MAP4K5: variants seen among roughly 807,000 people sequenced by gnomAD.
MAP4K5 encodes the protein MAPK/ERK kinase kinase kinase 5.
A neutral mutation model predicts 135.6 loss-of-function variants in MAP4K5; 82 were observed. The observed-to-expected ratio is 0.60, with a 90% CI of 0.51 to 0.73. The LOEUF (loss-of-function observed/expected upper bound fraction) is 0.73, where lower values mean the gene tolerates loss of function less well. MAP4K5 is among the 30% of genes least tolerant of loss of function. MAP4K5 has a pLI of 0.00. For synonymous variants in MAP4K5, 347 were observed against 335.0 expected (o/e 1.04, Z -0.39); for missense variants, 907 against 1,010.9 (o/e 0.90, Z 1.39).
At chr14:50,467,495 TC>T (rs1192053234) in intron 10 of MAP4K5, among the ~76,000 whole-genome samples, 5 of 152,086 alleles carry the variant, frequency 3.3e-5, no homozygotes, top group African/African-American at 1.2e-4. Flanking sequence ...ATAATTTTTT[TC>T]ACTAATAATC....
At chr14:50,532,300 C>A in intron 1 of MAP4K5, 142 bp from the exon 2 acceptor site, 1 of 430,662 alleles carries the variant, frequency 2.3e-6, no homozygotes, top group African/African-American at 2.1e-5. Context: ...CCCGGCGCCC[C>A]GTATCCCCGT....
intron 21 of MAP4K5, among the ~76,000 whole-genome samples, chr14:50,441,771 CACACACACACACACACACACACACACAT>C (rs1426951404): frequency 0.014 from 2,110 of 150,262 alleles, 39 homozygotes; most frequent in African/African-American, 0.049. Context: ...CACACACACA[CACACACACACACACACACACACACACAT>C]ATATATACCC....
chr14:50,483,633 T>C (rs2037300072), intron 5 of MAP4K5, among the ~76,000 whole-genome samples: 1 of 151,050 alleles, frequency 6.6e-6, no homozygotes, highest in Admixed American at 6.6e-5. Context: ...TTCAATTTAA[T>C]TCAACAAATA....
chr14:50,522,067 C>T (rs866221330), intron 2 of MAP4K5, among the ~76,000 whole-genome samples: 1 of 152,086 alleles, frequency 6.6e-6, no homozygotes, highest in Admixed American at 6.6e-5. Flanking sequence ...ACAAGTGAAA[C>T]CCTTTTAAAT....
intron 27 of MAP4K5, 100 bp from the exon 28 acceptor site, chr14:50,434,671 T>G: frequency 1.9e-6 from 2 of 1,053,892 alleles, no homozygotes; most frequent in Non-Finnish European, 2.8e-6. Context: ...TCTTCTTCAT[T>G]TATCTAGTTC....
Position 50,532,141 on chromosome 14 carries a change from C to A in MAP4K5, c.-92G>T. 1 of 767,534 alleles carries A rather than the reference C, an allele frequency of 1.3e-6. No individual in the cohort carries two copies. The highest frequency in any genetic ancestry group is 1.7e-5 in the African/African-American group (1 of 57,584). The allele number at this position is 767,534 out of a possible 1,614,324, so 47.5% of individuals were successfully genotyped here. ...ACGGCGCCGCTTCCCAACATGGAGCCTCCGCCCGCAGCTCCGTCTGCACGA... is the reference window on the plus strand; with the variant it reads ...ACGGCGCCGCTTCCCAACATGGAGCATCCGCCCGCAGCTCCGTCTGCACGA... On this transcript the variant is annotated 5_prime_UTR_variant, in exon 2 of 33. It adds an upstream start codon to the 5' untranslated region. Transcript: ENST00000682126.
intron 5 of MAP4K5, among the ~76,000 whole-genome samples, chr14:50,484,813 T>C (rs1329084737): frequency 1.3e-5 from 2 of 152,192 alleles, no homozygotes; most frequent in Non-Finnish European, 2.9e-5. Context: ...ATTTGTAAAC[T>C]GCATGACTGA....
At position 50,440,319 on chromosome 14, in the gene MAP4K5, CAATTT is replaced by C. The variant is rs2036196707; in HGVS notation, c.1644+38_1644+42del. 7 of 1,272,364 alleles carry C rather than the reference CAATTT, an allele frequency of 5.5e-6. No individual in the cohort carries two copies. In the South Asian group the frequency reaches 9.1e-5, roughly 17 times the overall value. The allele number at this position is 1,272,364 out of a possible 1,614,324, so 78.8% of individuals were successfully genotyped here. On this transcript the variant is annotated intron_variant, in intron 22 of 32. Transcript: ENST00000682126. Reference sequence around the variant, plus strand: ...TTTAAAATTAAGACACTTCTTTATTCAATTTGTTTAAATTAATTTCTTGAATTAAA... The same window carrying C: ...TTTAAAATTAAGACACTTCTTTATTCGTTTAAATTAATTTCTTGAATTAAA...
At chr14:50,526,621 ATGT>A (rs1370937608) in intron 2 of MAP4K5, among the ~76,000 whole-genome samples, 1 of 152,190 alleles carries the variant, frequency 6.6e-6, no homozygotes, top group African/African-American at 2.4e-5. Context: ...ACTAAACCAT[ATGT>A]TCCTTATTGA....
chr14:50,441,914 G>C (rs1407599684), intron 21 of MAP4K5, among the ~76,000 whole-genome samples: 2 of 151,846 alleles, frequency 1.3e-5, no homozygotes, highest in Non-Finnish European at 2.9e-5. Context: ...CTGCCTAATA[G>C]CTTCTGTTTG....
At position 50,504,793 on chromosome 14, in the gene MAP4K5, C is replaced by T; in HGVS notation, c.166+7G>A. 1 of 1,548,918 alleles carries T rather than the reference C, an allele frequency of 6.5e-7. No homozygotes were observed. The highest frequency in any genetic ancestry group is 8.7e-7 in the Non-Finnish European group (1 of 1,144,322). On this transcript the variant is annotated splice_region_variant and intron_variant, in intron 3 of 32. Transcript: ENST00000682126. ...TCAAAAATTGTCTTGAGGGTTTTAACACATACCAGGCTCCAATTTAATGAT... is the reference window on the plus strand; with the variant it reads ...TCAAAAATTGTCTTGAGGGTTTTAATACATACCAGGCTCCAATTTAATGAT...
Position 50,445,033 on chromosome 14 carries a change from A to T in MAP4K5, c.1339+8T>A, listed in dbSNP as rs2036311636. 6.2e-7 allele frequency: 1 copy of T among 1,612,886 alleles called. No individual in the cohort carries two copies. The highest frequency in any genetic ancestry group is 2.2e-5 in the East Asian group (1 of 44,852). ...GTACCCCATGGCTGCTAATAATGCT[A>T]GCCATACCAATAGAAGAAGTCTCTG... On this transcript the variant is annotated splice_region_variant and intron_variant, in intron 18 of 32. Transcript: ENST00000682126.
chr14:50,499,475 T>C (rs948709234), intron 3 of MAP4K5, among the ~76,000 whole-genome samples: 24 of 152,162 alleles, frequency 1.6e-4, no homozygotes, highest in African/African-American at 5.5e-4. Flanking sequence ...CTGGACAACA[T>C]GGCGAAACTC....
chr14:50,435,908 A>G (rs928982771), intron 26 of MAP4K5, among the ~76,000 whole-genome samples: 1 of 152,164 alleles, frequency 6.6e-6, no homozygotes, highest in Non-Finnish European at 1.5e-5. Context: ...ATTATTTATG[A>G]GTTTTTATCT....
chr14:50,515,603 A>G (rs1190419720), intron 2 of MAP4K5, among the ~76,000 whole-genome samples: 3 of 152,206 alleles, frequency 2.0e-5, no homozygotes, highest in African/African-American at 7.2e-5. Flanking sequence ...AACAGTTACT[A>G]GAAAAAAAAT....
At chr14:50,436,225 G>A (rs2036089051) in intron 26 of MAP4K5, among the ~76,000 whole-genome samples, 1 of 152,110 alleles carries the variant, frequency 6.6e-6, no homozygotes, top group Non-Finnish European at 1.5e-5. Flanking sequence ...TTGTTTAAGG[G>A]TTAAATGAGA....
At chr14:50,542,781 G>C (rs1373638230) in intron 1 of MAP4K5, among the ~76,000 whole-genome samples, 1 of 152,132 alleles carries the variant, frequency 6.6e-6, no homozygotes, top group Non-Finnish European at 1.5e-5. Flanking sequence ...ACAGAATTCT[G>C]TGCCCACACC....
At chr14:50,497,180 T>C (rs1472823246) in intron 3 of MAP4K5, among the ~76,000 whole-genome samples, 2 of 151,646 alleles carry the variant, frequency 1.3e-5, no homozygotes, top group Non-Finnish European at 2.9e-5. Flanking sequence ...GGCAATCTTG[T>C]GAATATGGTT....
At chr14:50,484,126 A>T (rs2037313747) in intron 5 of MAP4K5, among the ~76,000 whole-genome samples, 1 of 152,030 alleles carries the variant, frequency 6.6e-6, no homozygotes, top group African/African-American at 2.4e-5. Context: ...TACAGGCATG[A>T]GAAGATAGCA....
Sources: allele counts gnomAD v4.1 joint callset (sites outside exome capture counted in the v4.1 genomes callset), GRCh38; gene constraint gnomAD v4.1.1; transcripts MANE v1.5; gene names NCBI Gene and HGNC (gene_info 2026-07-23, HGNC 2026-07-21).